KRTAP4-5: variants seen among roughly 807,000 people sequenced by gnomAD.
The protein encoded by KRTAP4-5 is keratin associated protein 4-5, also known as keratin-associated protein 4-5.
For synonymous variants in KRTAP4-5, 73 were observed against 83.6 expected (o/e 0.87, Z 0.69); for missense variants, 199 against 233.7 (o/e 0.85, Z 0.97).
Position 41,149,647 on chromosome 17 carries a change from A to G in KRTAP4-5, c.121T>C (p.Cys41Arg). 6.2e-7 allele frequency: 1 copy of G among 1,613,506 alleles called. No homozygotes were observed. The highest frequency in any genetic ancestry group is 8.5e-7 in the Non-Finnish European group (1 of 1,179,846). ...ACAGACTGGCAGCACTGGGGCTTGCAGCAGCTGGGGCGGCAGCAGGTGGTC... is the reference window on the plus strand; with the variant it reads ...ACAGACTGGCAGCACTGGGGCTTGCGGCAGCTGGGGCGGCAGCAGGTGGTC... ...CRTTCCRPSC[C>R]KPQCCQSVCY... Residue 41 changes from cysteine to arginine, a missense_variant, in exon 1 of 1, where the codon TGC becomes CGC. Transcript: ENST00000343246.
chr17:41,149,139 T>A lies in KRTAP4-5; in HGVS notation c.*83A>T. 1 of 1,485,914 alleles carries A rather than the reference T, an allele frequency of 6.7e-7. No individual in the cohort carries two copies. Among genetic ancestry groups the A allele is most frequent in the African/African-American group, 1.4e-5 (1 of 71,624 alleles). The allele number at this position is 1,485,914 out of a possible 1,614,324, so 92.0% of individuals were successfully genotyped here. A position where few individuals can be genotyped will look rare whatever the true frequency, so the allele number is the denominator to read the frequency against. On this transcript the variant is annotated 3_prime_UTR_variant, in exon 1 of 1. Transcript: ENST00000343246. ...AGACAAACTGGCAGGGAAGTGTTCA[T>A]TTTTCCAGTGACTGGCTGGCTACAG...
rs2014815346 is a variant in KRTAP4-5, at chr17:41,149,740, T to C, written c.28A>G (p.Ser10Gly). 1.9e-6 allele frequency: 3 copies of C among 1,612,136 alleles called. No homozygotes were observed. Among genetic ancestry groups the C allele is most frequent in the Middle Eastern group, 1.7e-4 (1 of 6,048 alleles). The change falls in exon 1 of 1, where the codon AGC becomes GGC. Residue 10 changes from serine (S) to glycine (G), a missense_variant. By Grantham distance (56) the Ser-to-Gly change is moderately conservative. Transcript: ENST00000343246. Reference sequence around the variant, plus strand: ...TCCAGGCCACAGCTCTGCTCAGAGCTGACAGAGCCACAACAGGAGCTGACC... The same window carrying C: ...TCCAGGCCACAGCTCTGCTCAGAGCCGACAGAGCCACAACAGGAGCTGACC... Reference protein sequence around the residue: MVSSCCGSVSSEQSCGLENC... With the variant: MVSSCCGSVGSEQSCGLENC...
Position 41,149,674 on chromosome 17 carries a change from T to G in KRTAP4-5, c.94A>C (p.Arg32=), listed in dbSNP as rs1555587533. Residue 32 remains arginine (R), a synonymous_variant, in exon 1 of 1, where the codon AGG becomes CGG. Coordinates refer to ENST00000343246, the MANE Select transcript of KRTAP4-5 (RefSeq NM_033188.4). ...CAGCTGGGGCGGCAGCAGGTGGTCCTGCAGCAGGTGGTCTGGCAGCAGCTG... is the reference window on the plus strand; with the variant it reads ...CAGCTGGGGCGGCAGCAGGTGGTCCGGCAGCAGGTGGTCTGGCAGCAGCTG... ...RPSCCQTTCC[R]TTCCRPSCCK... is the part of the protein sequence containing the mutation. The G allele has an allele frequency of 7.5e-6, 12 of 1,610,016 alleles. No homozygotes were observed. Among genetic ancestry groups the G allele is most frequent in the Non-Finnish European group, 1.0e-5 (12 of 1,176,908 alleles).
chr17:41,149,275 A>T lies in KRTAP4-5; in HGVS notation c.493T>A (p.Cys165Ser), dbSNP rs1360559937. The T allele has an allele frequency of 5.0e-6, 8 of 1,610,106 alleles. No individual in the cohort carries two copies. Among genetic ancestry groups the T allele is most frequent in the Non-Finnish European group, 6.8e-6 (8 of 1,178,098 alleles). Residue 165 changes from cysteine (C) to serine (S), a missense_variant, in exon 1 of 1, where the codon TGT becomes AGT. Transcript: ENST00000343246. ...GGGCGGGGGCAGGTGGAGATGACAC[A>T]GGTTGGGCGATAGCAAGTGGTGTGG... ...SCHTTCYRPT[C>S]VISTCPRPLC...
chr17:41,149,362 A>C lies in KRTAP4-5; in HGVS notation c.406T>G (p.Cys136Gly), dbSNP rs764163952. The change falls in exon 1 of 1, where the codon TGT becomes GGT. Residue 136 changes from cysteine to glycine, a missense_variant. Physicochemically the swap from Cys to Gly is radical, Grantham distance 159. Coordinates refer to ENST00000343246, the MANE Select transcript of KRTAP4-5 (RefSeq NM_033188.4). Reference sequence around the variant, plus strand: ...CAGGGGCGGCAGCAGCTGGATTCACAGCAAGAGGGGTGGCAGCAGCTGGAG... The same window carrying C: ...CAGGGGCGGCAGCAGCTGGATTCACCGCAAGAGGGGTGGCAGCAGCTGGAG... ...CISSCCHPSC[C>G]ESSCCRPCCC... 3.1e-6 allele frequency: 5 copies of C among 1,613,756 alleles called. No individual in the cohort carries two copies. The highest frequency in any genetic ancestry group is 3.4e-6 in the Non-Finnish European group (4 of 1,179,894).
Position 41,149,327 on chromosome 17 carries a change from C to T in KRTAP4-5, c.441G>A (p.Val147=), listed in dbSNP as rs776130250. 1.2e-6 allele frequency: 2 copies of T among 1,611,972 alleles called. No homozygotes were observed. Among genetic ancestry groups the T allele is most frequent in the South Asian group, 2.2e-5 (2 of 90,868 alleles). The change falls in exon 1 of 1, where the codon GTG becomes GTA. Residue 147 remains valine, a synonymous_variant. Transcript: ENST00000343246. Reference sequence around the variant, plus strand: ...AGGAGACTCGGCCACAGACTGGACGCACGCAGCAGCAGGGGCGGCAGCAGC... The same window carrying T: ...AGGAGACTCGGCCACAGACTGGACGTACGCAGCAGCAGGGGCGGCAGCAGC... ...ESSCCRPCCC[V]RPVCGRVSCH... is the part of the protein sequence containing the mutation.
chr17:41,149,306 G>A lies in KRTAP4-5; in HGVS notation c.462C>T (p.Val154=). 6.2e-7 allele frequency: 1 copy of A among 1,610,558 alleles called. No individual in the cohort carries two copies. The highest frequency in any genetic ancestry group is 8.5e-7 in the Non-Finnish European group (1 of 1,178,282). The change falls in exon 1 of 1, where the codon GTC becomes GTT. Residue 154 remains valine (V), a synonymous_variant. Transcript: ENST00000343246. The stretch of plus-strand genomic sequence containing the variant: ...GGCGATAGCAAGTGGTGTGGCAGGA[G>A]ACTCGGCCACAGACTGGACGCACGC... The part of the protein sequence containing the change: ...CCCVRPVCGR[V]SCHTTCYRPT...
chr17:41,149,421 C>A lies in KRTAP4-5; in HGVS notation c.347G>T (p.Cys116Phe). 2 of 1,611,062 alleles carry A rather than the reference C, an allele frequency of 1.2e-6. No individual in the cohort carries two copies. The highest frequency in any genetic ancestry group is 1.7e-6 in the Non-Finnish European group (2 of 1,178,986). ...CRPQCCQSVC[C>F]QPTCCRPSCC... ...GCTGGGACGGCAGCAAGTGGGCTGG[C>A]AGCACACAGACTGGCAGCACTGGGG... Residue 116 changes from cysteine (C) to phenylalanine (F), a missense_variant, in exon 1 of 1, where the codon TGC (cysteine) becomes TTC (phenylalanine). By Grantham distance (205) the Cys-to-Phe change is radical. Coordinates refer to ENST00000343246, the MANE Select transcript of KRTAP4-5 (RefSeq NM_033188.4).
At position 41,149,720 on chromosome 17, in the gene KRTAP4-5, G is replaced by A; in HGVS notation, c.48C>T (p.Gly16=). The A allele has an allele frequency of 6.2e-7, 1 of 1,613,796 alleles. No homozygotes were observed. Among genetic ancestry groups the A allele is most frequent in the Non-Finnish European group, 8.5e-7 (1 of 1,179,866 alleles). ...CGSVSSEQSC[G]LENCCRPSCC... ...AGCTGGGGCGGCAGCAGTTCTCCAG[G>A]CCACAGCTCTGCTCAGAGCTGACAG... The change falls in exon 1 of 1, where the codon GGC becomes GGT. Residue 16 remains glycine, a synonymous_variant. Transcript: ENST00000343246.
Position 41,149,670 on chromosome 17 carries a change from G to A in KRTAP4-5, c.98C>T (p.Thr33Ile), listed in dbSNP as rs1223670544. 4 of 1,610,652 alleles carry A rather than the reference G, an allele frequency of 2.5e-6. No individual in the cohort carries two copies. The highest frequency in any genetic ancestry group is 3.4e-6 in the Non-Finnish European group (4 of 1,177,190). Reference protein sequence around the residue: ...PSCCQTTCCRTTCCRPSCCKP... With the variant: ...PSCCQTTCCRITCCRPSCCKP... The stretch of plus-strand genomic sequence containing the variant: ...GCAGCAGCTGGGGCGGCAGCAGGTG[G>A]TCCTGCAGCAGGTGGTCTGGCAGCA... The change falls in exon 1 of 1, where the codon ACC (threonine) becomes ATC (isoleucine). Residue 33 changes from threonine (T) to isoleucine (I), a missense_variant. Coordinates refer to ENST00000343246, the MANE Select transcript of KRTAP4-5 (RefSeq NM_033188.4).
chr17:41,149,158 G>A lies in KRTAP4-5; in HGVS notation c.*64C>T, dbSNP rs2014799076. The A allele has an allele frequency of 2.7e-6, 4 of 1,498,258 alleles. No homozygotes were observed. Among genetic ancestry groups the A allele is most frequent in the East Asian group, 2.5e-5 (1 of 40,510 alleles). 92.8% of individuals were successfully genotyped at this position (1,498,258 alleles called of 1,614,324 possible). On this transcript the variant is annotated 3_prime_UTR_variant, in exon 1 of 1. Coordinates refer to ENST00000343246, the MANE Select transcript of KRTAP4-5 (RefSeq NM_033188.4). ...TGTTCATTTTTCCAGTGACTGGCTG[G>A]CTACAGTGCATTTTAAATGACTAAT... is the stretch of plus-strand genomic sequence containing the variant.
rs747713238 is a variant in KRTAP4-5 at position 41,149,404 on chromosome 17, G to A, written c.364C>T (p.Arg122Cys). 8.1e-6 allele frequency: 13 copies of A among 1,613,020 alleles called. No homozygotes were observed. The highest frequency in any genetic ancestry group is 2.7e-5 in the African/African-American group (2 of 74,784). The change falls in exon 1 of 1, where the codon CGT becomes TGT. Residue 122 changes from arginine (R) to cysteine (C), a missense_variant. Transcript: ENST00000343246. ...CAGCTGGAGATGCAGCAGCTGGGAC[G>A]GCAGCAAGTGGGCTGGCAGCACACA... Reference protein sequence around the residue: ...QSVCCQPTCCRPSCCISSCCH... With the variant: ...QSVCCQPTCCCPSCCISSCCH...
chr17:41,149,319 A>G lies in KRTAP4-5; in HGVS notation c.449T>C (p.Val150Ala). 1.2e-6 allele frequency: 2 copies of G among 1,611,412 alleles called. No homozygotes were observed. Among genetic ancestry groups the G allele is most frequent in the Non-Finnish European group, 1.7e-6 (2 of 1,178,724 alleles). ...GGTGTGGCAGGAGACTCGGCCACAG[A>G]CTGGACGCACGCAGCAGCAGGGGCG... Reference protein sequence around the residue: ...CCRPCCCVRPVCGRVSCHTTC... With the variant: ...CCRPCCCVRPACGRVSCHTTC... The change falls in exon 1 of 1, where the codon GTC (valine) becomes GCC (alanine). Residue 150 changes from valine to alanine, a missense_variant. Coordinates refer to ENST00000343246, the MANE Select transcript of KRTAP4-5 (RefSeq NM_033188.4).
chr17:41,148,925 T>C lies in KRTAP4-5; in HGVS notation c.*297A>G, dbSNP rs2014795561. ...CTAACAAATCAGAAGATTTCAATAT[T>C]AGGGAAGTGGCTGTTTATTAATACA... On this transcript the variant is annotated 3_prime_UTR_variant, in exon 1 of 1. Coordinates refer to ENST00000343246, the MANE Select transcript of KRTAP4-5 (RefSeq NM_033188.4). The C allele has an allele frequency of 1.8e-6, 1 of 548,056 alleles. No individual in the cohort carries two copies. Among genetic ancestry groups the C allele is most frequent in the Admixed American group, 3.5e-5 (1 of 28,542 alleles). 33.9% of individuals were successfully genotyped at this position (548,056 alleles called of 1,614,324 possible).
Position 41,149,026 on chromosome 17 carries a change from G to T in KRTAP4-5, c.*196C>A. On this transcript the variant is annotated 3_prime_UTR_variant, in exon 1 of 1. Coordinates refer to ENST00000343246, the MANE Select transcript of KRTAP4-5 (RefSeq NM_033188.4). ...AGACACTGCTCATCTAAAAATAACT[G>T]CATTGGGGCCTGGCATAACATATTT... 1 of 988,238 alleles carries T rather than the reference G, an allele frequency of 1.0e-6. No individual in the cohort carries two copies. The highest frequency in any genetic ancestry group is 1.5e-6 in the Non-Finnish European group (1 of 679,316). The allele number at this position is 988,238 out of a possible 1,614,324, so 61.2% of individuals were successfully genotyped here.
In KRTAP4-5 at chr17:41,149,113, G is replaced by A; in HGVS notation, c.*109C>T. ...TGAATGTCCACTCTGAATGCCACAT[G>A]AGACAAACTGGCAGGGAAGTGTTCA... is the stretch of plus-strand genomic sequence containing the variant. On this transcript the variant is annotated 3_prime_UTR_variant, in exon 1 of 1. Coordinates refer to ENST00000343246, the MANE Select transcript of KRTAP4-5 (RefSeq NM_033188.4). 1 of 1,461,552 alleles carries A rather than the reference G, an allele frequency of 6.8e-7. No homozygotes were observed. The highest frequency in any genetic ancestry group is 9.1e-7 in the Non-Finnish European group (1 of 1,099,400). 90.5% of individuals were successfully genotyped at this position (1,461,552 alleles called of 1,614,324 possible).
chr17:41,149,754 C>T lies in KRTAP4-5; in HGVS notation c.14G>A (p.Cys5Tyr), dbSNP rs779717923. The change falls in exon 1 of 1, where the codon TGT becomes TAT. Residue 5 changes from cysteine to tyrosine, a missense_variant. By Grantham distance (194) the Cys-to-Tyr change is radical. Transcript: ENST00000343246. ...CTGCTCAGAGCTGACAGAGCCACAA[C>T]AGGAGCTGACCATGGTGTCAGAGGG... MVSS[C>Y]CGSVSSEQSC... 5 of 1,609,522 alleles carry T rather than the reference C, an allele frequency of 3.1e-6. No homozygotes were observed. In the Admixed American group the frequency reaches 8.4e-5, roughly 27 times the overall value.
rs238829 is a variant in KRTAP4-5 at position 41,149,752 on chromosome 17, A to G, written c.16T>C (p.Cys6Arg). Residue 6 changes from cysteine to arginine, a missense_variant, in exon 1 of 1, where the codon TGT becomes CGT. By Grantham distance (180) the Cys-to-Arg change is radical. Coordinates refer to ENST00000343246, the MANE Select transcript of KRTAP4-5 (RefSeq NM_033188.4). MVSSC[C>R]GSVSSEQSCG... ...CTCTGCTCAGAGCTGACAGAGCCAC[A>G]ACAGGAGCTGACCATGGTGTCAGAG... 6.3e-3 allele frequency: 10,154 copies of G among 1,610,032 alleles called. 535 individuals carry two copies. In the African/African-American group the frequency reaches 0.12, roughly 19 times the overall value.
In KRTAP4-5 at chr17:41,149,675, G is replaced by A; in HGVS notation, c.93C>T (p.Cys31=). ...AGCTGGGGCGGCAGCAGGTGGTCCT[G>A]CAGCAGGTGGTCTGGCAGCAGCTGG... ...CRPSCCQTTC[C]RTTCCRPSCC... is the part of the protein sequence containing the mutation. The change falls in exon 1 of 1, where the codon TGC becomes TGT. Residue 31 remains cysteine (C), a synonymous_variant. Coordinates refer to ENST00000343246, the MANE Select transcript of KRTAP4-5 (RefSeq NM_033188.4). 1.9e-6 allele frequency: 3 copies of A among 1,610,628 alleles called. No homozygotes were observed. The highest frequency in any genetic ancestry group is 1.7e-6 in the Non-Finnish European group (2 of 1,177,106).
Sources: gnomAD v4.1 joint callset for allele counts on GRCh38, gnomAD v4.1.1 for gene constraint, MANE v1.5 for transcripts, NCBI Gene and HGNC (gene_info 2026-07-23, HGNC 2026-07-21) for gene names.